DACH2: variants seen among roughly 807,000 people sequenced by gnomAD.
The protein encoded by DACH2 is dachshund family transcription factor 2.
Under a neutral mutation model 35.8 loss-of-function variants are expected in DACH2, and 17 were observed. The observed-to-expected ratio is 0.48, with a 90% confidence interval of 0.33 to 0.71. The LOEUF (loss-of-function observed/expected upper bound fraction) is 0.71. Ranked by LOEUF, DACH2 falls within the 30% of genes least tolerant of loss-of-function variation. The pLI is 0.02. For synonymous variants in DACH2, 195 were observed against 177.3 expected (o/e 1.10, Z -0.79); for missense variants, 469 against 472.7 (o/e 0.99, Z 0.07).
rs146792068 is a variant in DACH2, at chrX:86,760,370, A to G, written c.1240+20488A>G. On this transcript the variant is annotated intron_variant, in intron 7 of 11. Coordinates refer to ENST00000373125, the MANE Select transcript of DACH2 (RefSeq NM_053281.3). ...ATCATTTTATCATTTCCCATATGCCATATATGCTTTGCTCATACTTTTTCA... is the reference window on the plus strand; with the variant it reads ...ATCATTTTATCATTTCCCATATGCCGTATATGCTTTGCTCATACTTTTTCA... 4.0e-3 allele frequency among the ~76,000 whole-genome samples: 444 copies of G among 112,139 alleles called. 2 individuals carry two copies. Among genetic ancestry groups the G allele is most frequent in the African/African-American group, 0.014 (424 of 30,944 alleles).
At chrX:86,338,867 A>G (rs766252530) in intron 1 of DACH2, among the ~76,000 whole-genome samples, 84 of 112,190 alleles carry the variant, frequency 7.5e-4, no homozygotes, top group Non-Finnish European at 1.5e-3. Flanking sequence ...GATGCAATAA[A>G]AAGTGATAAA....
At chrX:86,725,792 G>A (rs1302319268) in intron 6 of DACH2, among the ~76,000 whole-genome samples, 1 of 111,359 alleles carries the variant, frequency 9.0e-6, no homozygotes, top group Non-Finnish European at 1.9e-5. Flanking sequence ...TGTTGCTGGT[G>A]CCTGCAATTG....
chrX:86,318,773 C>A (rs967427944), intron 1 of DACH2, among the ~76,000 whole-genome samples: 1 of 111,302 alleles, frequency 9.0e-6, no homozygotes, highest in East Asian at 2.8e-4. Flanking sequence ...GGAAAGACAA[C>A]CTTGAGACTA....
chrX:86,476,995 T>C (rs2037852946), intron 2 of DACH2, among the ~76,000 whole-genome samples: 1 of 111,101 alleles, frequency 9.0e-6, no homozygotes, highest in Non-Finnish European at 1.9e-5. Context: ...TTTTATTTCA[T>C]TGTGGCCAGA....
At chrX:86,348,442 C>A (rs1483306345) in intron 1 of DACH2, among the ~76,000 whole-genome samples, 2 of 111,523 alleles carry the variant, frequency 1.8e-5, no homozygotes, top group Non-Finnish European at 3.8e-5. Context: ...TGGAACTGAA[C>A]CATAAATGTA....
chrX:86,765,698 G>GTTTT (rs60709865), intron 7 of DACH2, among the ~76,000 whole-genome samples: 463 of 24,217 alleles, frequency 0.019, no homozygotes, highest in East Asian at 0.021. Context: ...TTGTTTTTTG[G>GTTTT]TTTTTTTTTT....
chrX:86,433,099 C>A (rs928797407), intron 2 of DACH2, among the ~76,000 whole-genome samples: 2 of 111,616 alleles, frequency 1.8e-5, no homozygotes, highest in African/African-American at 6.5e-5. Flanking sequence ...ATAGTATCTA[C>A]CTCTAGTGTT....
chrX:86,364,144 ATTTT>A (rs1483270339), intron 1 of DACH2, among the ~76,000 whole-genome samples: 2 of 111,224 alleles, frequency 1.8e-5, no homozygotes, highest in African/African-American at 6.5e-5. Flanking sequence ...TTGCTATTTA[ATTTT>A]TTTATTTTTG....
At chrX:86,218,978 G>A (rs939006808) in intron 1 of DACH2, among the ~76,000 whole-genome samples, 1 of 111,637 alleles carries the variant, frequency 9.0e-6, no homozygotes, top group Non-Finnish European at 1.9e-5. Context: ...GAAATAGTTT[G>A]AATGTCCACC....
At chrX:86,571,846 C>T (rs1001963962) in intron 3 of DACH2, among the ~76,000 whole-genome samples, 5 of 110,924 alleles carry the variant, frequency 4.5e-5, no homozygotes, top group Non-Finnish European at 9.4e-5. Flanking sequence ...TTGGGGAACA[C>T]TACCATGTTA....
At chrX:86,687,101 C>T (rs1245554789) in intron 4 of DACH2, among the ~76,000 whole-genome samples, 2 of 112,159 alleles carry the variant, frequency 1.8e-5, no homozygotes, top group Admixed American at 9.5e-5. Flanking sequence ...TTTGAAGCAT[C>T]AGTTCCTTTT....
chrX:86,247,209 A>C (rs1281819906), intron 1 of DACH2, among the ~76,000 whole-genome samples: 1 of 111,605 alleles, frequency 9.0e-6, no homozygotes, highest in Non-Finnish European at 1.9e-5. Context: ...TCACATGTAG[A>C]GGAACTAGAA....
At chrX:86,611,274 G>A (rs1602699483) in intron 3 of DACH2, among the ~76,000 whole-genome samples, 1 of 110,555 alleles carries the variant, frequency 9.0e-6, no homozygotes, top group East Asian at 2.9e-4. Context: ...TACAGTGGCT[G>A]AGCATGTATC....
intron 7 of DACH2, among the ~76,000 whole-genome samples, chrX:86,796,139 A>C (rs1269333855): frequency 9.0e-6 from 1 of 111,211 alleles, no homozygotes; most frequent in Non-Finnish European, 1.9e-5. Context: ...CATTTTACAG[A>C]TTGCTGATTG....
intron 3 of DACH2, among the ~76,000 whole-genome samples, chrX:86,580,129 C>T (rs1280785292): frequency 3.6e-5 from 4 of 111,622 alleles, no homozygotes; most frequent in South Asian, 3.7e-4. Flanking sequence ...AGTCTTAGCC[C>T]GCTAAAATCT....
At chrX:86,286,009 T>C (rs1417499540) in intron 1 of DACH2, among the ~76,000 whole-genome samples, 1 of 110,476 alleles carries the variant, frequency 9.1e-6, no homozygotes, top group Non-Finnish European at 1.9e-5. Flanking sequence ...TTGGATGGCA[T>C]ATCTTTTTCC....
intron 4 of DACH2, among the ~76,000 whole-genome samples, chrX:86,667,175 G>A (rs1206159825): frequency 9.8e-6 from 1 of 101,997 alleles, no homozygotes; most frequent in Non-Finnish European, 2.0e-5. Flanking sequence ...AGAATCACTT[G>A]AACCTGGGAG....
chrX:86,171,249 A>G (rs2031115879), intron 1 of DACH2, among the ~76,000 whole-genome samples: 1 of 110,816 alleles, frequency 9.0e-6, no homozygotes, highest in African/African-American at 3.3e-5. Context: ...CTCAAGTGGA[A>G]GGAAAGGGGT....
intron 3 of DACH2, among the ~76,000 whole-genome samples, chrX:86,535,958 G>A (rs2038792831): frequency 9.0e-6 from 1 of 111,086 alleles, no homozygotes; most frequent in African/African-American, 3.3e-5. Flanking sequence ...CAGCGGCACG[G>A]CAAAGGAGAC....
Sources: allele counts gnomAD v4.1 joint callset (sites outside exome capture counted in the v4.1 genomes callset), GRCh38; gene constraint gnomAD v4.1.1; transcripts MANE v1.5; gene names NCBI Gene and HGNC (gene_info 2026-07-23, HGNC 2026-07-21).